The following DSG1 variants were observed in gnomAD, a reference collection of about 807,000 sequenced individuals.
DSG1 encodes desmoglein 1, also known as desmoglein-1.
In DSG1, 39 loss-of-function variants were observed where a neutral mutation model predicts 97.5. That is an observed-to-expected ratio of 0.40 (90% CI 0.31 to 0.52). The LOEUF is 0.52. DSG1 is among the 20% of genes least tolerant of loss of function. The pLI, the probability that DSG1 is intolerant of heterozygous loss-of-function variation, is 0.53. For synonymous variants in DSG1, 475 were observed against 443.4 expected (o/e 1.07, Z -0.90); for missense variants, 1,311 against 1,295.4 (o/e 1.01, Z -0.18).
intron 5 of DSG1, among the ~76,000 whole-genome samples, chr18:31,330,390 C>A (rs908417305): frequency 2.0e-5 from 3 of 152,066 alleles, no homozygotes; most frequent in Non-Finnish European, 2.9e-5. Context: ...GCTCTTACTG[C>A]GTTTTTTCCC....
rs1477332818 is a variant in DSG1, at chr18:31,328,316, T to C, written c.344T>C (p.Val115Ala). 1 of 1,613,354 alleles carries C rather than the reference T, an allele frequency of 6.2e-7. No homozygotes were observed. Among genetic ancestry groups the C allele is most frequent in the Admixed American group, 1.7e-5 (1 of 60,010 alleles). The part of the protein sequence containing the change: ...KTGEINITSI[V>A]DREVTPFFII... Reference sequence around the variant, plus strand: ...GGTGAAATTAATATAACATCCATAGTTGATCGAGAGGTCACTCCTTTCTTC... The same window carrying C: ...GGTGAAATTAATATAACATCCATAGCTGATCGAGAGGTCACTCCTTTCTTC... The change falls in exon 4 of 15, where the codon GTT becomes GCT. Residue 115 changes from valine (V) to alanine (A), a missense_variant. Around this residue, in one of 3 missense-constraint regions of DSG1, gnomAD observed 259 missense variants for 304.1 expected, o/e 0.85. Coordinates refer to ENST00000257192, the MANE Select transcript of DSG1 (RefSeq NM_001942.4).
At chr18:31,342,672 G>C (rs2071797303) in intron 11 of DSG1, among the ~76,000 whole-genome samples, 2 of 152,106 alleles carry the variant, frequency 1.3e-5, no homozygotes, top group Non-Finnish European at 2.9e-5. Context: ...CACTTGCATA[G>C]GGGGAAATAG....
rs1393958130 is a variant in DSG1 at position 31,336,431 on chromosome 18, T to G, written c.1083T>G (p.Ile361Met). The change falls in exon 9 of 15, where the codon ATT (isoleucine) becomes ATG (methionine). Residue 361 changes from isoleucine to methionine, a missense_variant. Ile to Met is a conservative substitution (Grantham distance 10, BLOSUM62 1). Around this residue, in one of 3 missense-constraint regions of DSG1, gnomAD observed 1,038 missense variants for 964.6 expected, o/e 1.08. Coordinates refer to ENST00000257192, the MANE Select transcript of DSG1 (RefSeq NM_001942.4). Reference sequence around the variant, plus strand: ...ATAAAGCTGAATTTCATCATTCAATTATGTCTCAATATAAACTGAAAGCAT... The same window carrying G: ...ATAAAGCTGAATTTCATCATTCAATGATGTCTCAATATAAACTGAAAGCAT... ...VRNKAEFHHS[I>M]MSQYKLKASA... The G allele has an allele frequency of 6.2e-7, 1 of 1,613,810 alleles. No individual in the cohort carries two copies. Among genetic ancestry groups the G allele is most frequent in the Non-Finnish European group, 8.5e-7 (1 of 1,179,890 alleles).
rs2071968805 is a variant in DSG1 at position 31,357,408 on chromosome 18, T to C, written c.*2062T>C. Among the ~76,000 whole-genome samples, 1 of 152,018 alleles carries C rather than the reference T, an allele frequency of 6.6e-6. No homozygotes were observed. The highest frequency in any genetic ancestry group is 1.5e-5 in the Non-Finnish European group (1 of 67,920). On this transcript the variant is annotated 3_prime_UTR_variant, in exon 15 of 15. Transcript: ENST00000257192. ...TAAGACATACTTGAGTATGCCTGGG[T>C]CCAGGAGTTTTAAGGAATAGAAATA...
Position 31,339,900 on chromosome 18 carries a change from C to T in DSG1, c.1562C>T (p.Ser521Phe), listed in dbSNP as rs769055041. 26 of 1,613,994 alleles carry T rather than the reference C, an allele frequency of 1.6e-5. No individual in the cohort carries two copies. Among genetic ancestry groups the T allele is most frequent in the Non-Finnish European group, 2.2e-5 (26 of 1,180,002 alleles). The change falls in exon 11 of 15, where the codon TCT becomes TTT. Residue 521 changes from serine (S) to phenylalanine (F), a missense_variant. Coordinates refer to ENST00000257192, the MANE Select transcript of DSG1 (RefSeq NM_001942.4). The stretch of plus-strand genomic sequence containing the variant: ...ACTAACTATGATACCAGCACAACTT[C>T]TACTGACTCTAGCCAAGTATATTCT... ...SSTNYDTSTTSTDSSQVYSSE... is the reference protein window; with the variant it reads ...SSTNYDTSTTFTDSSQVYSSE...
intron 6 of DSG1, among the ~76,000 whole-genome samples, chr18:31,332,533 T>A (rs1275708025): frequency 6.6e-6 from 1 of 152,016 alleles, no homozygotes; most frequent in Non-Finnish European, 1.5e-5. Flanking sequence ...TGCCTTGTGA[T>A]TTTATGATTT....
Position 31,339,953 on chromosome 18 carries a change from T to A in DSG1, c.1615T>A (p.Leu539Met), listed in dbSNP as rs140327039. ...TGAACCCGGAAACGGAGCCAAAGAT[T>A]TGTTATCAGACAATGTACATTTTGG... The part of the protein sequence containing the change: ...SSEPGNGAKD[L>M]LSDNVHFGPA... Residue 539 changes from leucine (L) to methionine (M), a missense_variant, in exon 11 of 15, where the codon TTG (leucine) becomes ATG (methionine). Physicochemically the swap from Leu to Met is conservative, Grantham distance 15. This residue lies in a region of DSG1 where 1,038 missense variants were observed against 964.6 expected (regional missense o/e 1.08). Coordinates refer to ENST00000257192, the MANE Select transcript of DSG1 (RefSeq NM_001942.4). 9.3e-6 allele frequency: 15 copies of A among 1,614,058 alleles called. No homozygotes were observed. The highest frequency in any genetic ancestry group is 1.3e-5 in the African/African-American group (1 of 75,020).
Position 31,354,966 on chromosome 18 carries a change from G to A in DSG1, c.2770G>A (p.Glu924Lys), listed in dbSNP as rs2144128100. ...PRESSNVVVT[E>K]RVIQPTSGMI... ...AGAGTCTTCAAATGTGGTAGTGACAGAAAGAGTAATCCAACCAACTTCCGG... is the reference window on the plus strand; with the variant it reads ...AGAGTCTTCAAATGTGGTAGTGACAAAAAGAGTAATCCAACCAACTTCCGG... The change falls in exon 15 of 15, where the codon GAA becomes AAA. Residue 924 changes from glutamate (E) to lysine (K), a missense_variant. Around this residue, in one of 3 missense-constraint regions of DSG1, gnomAD observed 1,038 missense variants for 964.6 expected, o/e 1.08. Coordinates refer to ENST00000257192, the MANE Select transcript of DSG1 (RefSeq NM_001942.4). 1 of 1,614,236 alleles carries A rather than the reference G, an allele frequency of 6.2e-7. No individual in the cohort carries two copies. The highest frequency in any genetic ancestry group is 8.5e-7 in the Non-Finnish European group (1 of 1,180,040).
chr18:31,350,607 T>C (rs952864405), intron 14 of DSG1, among the ~76,000 whole-genome samples: 5 of 149,246 alleles, frequency 3.4e-5, no homozygotes, highest in African/African-American at 5.0e-5. Flanking sequence ...CTGGACTCTT[T>C]TTGATTGGTA....
At chr18:31,323,534 C>G (rs574707838) in intron 1 of DSG1, among the ~76,000 whole-genome samples, 6 of 152,244 alleles carry the variant, frequency 3.9e-5, no homozygotes, top group African/African-American at 1.4e-4. Context: ...CTCTCCCTAT[C>G]ACAACACTTC....
intron 1 of DSG1, 145 bp from the exon 2 acceptor site, chr18:31,326,436 C>T (rs549707290): frequency 1.5e-6 from 1 of 655,684 alleles, no homozygotes; most frequent in African/African-American, 1.8e-5. Context: ...AGACATAAAC[C>T]AAATCCACCT....
At position 31,334,126 on chromosome 18, in the gene DSG1, T is replaced by A; in HGVS notation, c.929T>A (p.Ile310Asn). Residue 310 changes from isoleucine (I) to asparagine (N), a missense_variant, in exon 8 of 15, where the codon ATC (isoleucine) becomes AAC (asparagine). Ile to Asn is a moderately radical substitution (Grantham distance 149). Coordinates refer to ENST00000257192, the MANE Select transcript of DSG1 (RefSeq NM_001942.4). ...AACTGGATGGCAGTAATTTTCTTTA[T>A]CTCTGGAAATGAAGGAAATTGGTTT... ...SANWMAVIFF[I>N]SGNEGNWFEI... is the part of the protein sequence containing the mutation. 1 of 1,610,206 alleles carries A rather than the reference T, an allele frequency of 6.2e-7. No homozygotes were observed. Among genetic ancestry groups the A allele is most frequent in the Non-Finnish European group, 8.5e-7 (1 of 1,176,702 alleles).
chr18:31,318,505 T>C (rs1478007172), intron 1 of DSG1, among the ~76,000 whole-genome samples, 157 bp downstream of exon 1: 1 of 152,206 alleles, frequency 6.6e-6, no homozygotes, highest in East Asian at 1.9e-4. Context: ...TTCAATAGCA[T>C]TTCTCTCTTT....
At chr18:31,325,262 G>A (rs2071678799) in intron 1 of DSG1, among the ~76,000 whole-genome samples, 1 of 152,166 alleles carries the variant, frequency 6.6e-6, no homozygotes. Context: ...GAGTGACCCA[G>A]CTTCATAAAG....
At chr18:31,324,007 G>C (rs1220984972) in intron 1 of DSG1, among the ~76,000 whole-genome samples, 1 of 17,584 alleles carries the variant, frequency 5.7e-5, no homozygotes, top group Non-Finnish European at 1.5e-4. Flanking sequence ...TTCTTTTTTT[G>C]AGACAAAGTC....
chr18:31,324,240 C>T (rs1378044963), intron 1 of DSG1, among the ~76,000 whole-genome samples: 5 of 151,662 alleles, frequency 3.3e-5, no homozygotes, highest in Admixed American at 2.0e-4. Flanking sequence ...CCTCGGCCTC[C>T]CAAAGTGCTG....
In DSG1 at chr18:31,354,387, G is replaced by A. The variant is rs1479158960; in HGVS notation, c.2191G>A (p.Gly731Ser). 6.2e-7 allele frequency: 1 copy of A among 1,614,064 alleles called. No individual in the cohort carries two copies. Among genetic ancestry groups the A allele is most frequent in the Non-Finnish European group, 8.5e-7 (1 of 1,180,048 alleles). The change falls in exon 15 of 15, where the codon GGC becomes AGC. Residue 731 changes from glycine (G) to serine (S), a missense_variant. Gly to Ser is a moderately conservative substitution (Grantham distance 56). Coordinates refer to ENST00000257192, the MANE Select transcript of DSG1 (RefSeq NM_001942.4). ...CATCGAAGGTGTAGGTTCCCCTGCT[G>A]GCTCTGTGGGTTGTTGTAGCTTCAT... ...YDIEGVGSPA[G>S]SVGCCSFIGE...
rs778211525 is a variant in DSG1, at chr18:31,354,967, A to C, written c.2771A>C (p.Glu924Ala). The C allele has an allele frequency of 1.9e-6, 3 of 1,614,216 alleles. No individual in the cohort carries two copies. Among genetic ancestry groups the C allele is most frequent in the Non-Finnish European group, 2.5e-6 (3 of 1,180,032 alleles). The change falls in exon 15 of 15, where the codon GAA becomes GCA. Residue 924 changes from glutamate to alanine, a missense_variant. Physicochemically the swap from Glu to Ala is moderately radical, Grantham distance 107. Coordinates refer to ENST00000257192, the MANE Select transcript of DSG1 (RefSeq NM_001942.4). ...GAGTCTTCAAATGTGGTAGTGACAG[A>C]AAGAGTAATCCAACCAACTTCCGGC... The part of the protein sequence containing the change: ...PRESSNVVVT[E>A]RVIQPTSGMI...
At chr18:31,340,817 T>A (rs562013017) in intron 11 of DSG1, among the ~76,000 whole-genome samples, 37 of 152,156 alleles carry the variant, frequency 2.4e-4, no homozygotes, top group Non-Finnish European at 4.7e-4. Flanking sequence ...CTCAAAGAGA[T>A]TTTATTTATA....
Sources: gnomAD v4.1 joint callset for allele counts (sites outside exome capture counted in the v4.1 genomes callset) on GRCh38, gnomAD v4.1.1 for gene constraint, gnomAD v4.1.1 regional missense constraint, MANE v1.5 for transcripts, NCBI Gene and HGNC (gene_info 2026-07-23, HGNC 2026-07-21) for gene names.